LIMK2: variants seen among roughly 807,000 people sequenced by gnomAD.
LIMK2 encodes the protein LIM domain kinase 2.
A neutral mutation model predicts 75.7 loss-of-function variants in LIMK2; 35 were observed. The observed-to-expected ratio is 0.46, with a 90% CI of 0.35 to 0.61. The LOEUF is 0.61. LIMK2 is among the 20% of genes least tolerant of loss of function. The pLI is 0.00. For missense variants in LIMK2, 623 were observed against 831.0 expected (o/e 0.75, Z 3.08); for synonymous variants, 301 against 319.2 (o/e 0.94, Z 0.61).
At chr22:31,219,783 AG>A (rs2048418695) in intron 1 of LIMK2, among the ~76,000 whole-genome samples, 1 of 152,186 alleles carries the variant, frequency 6.6e-6, no homozygotes, top group Non-Finnish European at 1.5e-5. Flanking sequence ...CGTGTTAGCC[AG>A]GATGGCCTTG....
At chr22:31,261,255 G>A (rs2048835628) in intron 5 of LIMK2, among the ~76,000 whole-genome samples, 1 of 152,136 alleles carries the variant, frequency 6.6e-6, no homozygotes, top group African/African-American at 2.4e-5. Context: ...GAGGTCAAGA[G>A]TTTGGGATTA....
At position 31,266,084 on chromosome 22, in the gene LIMK2, A is replaced by G. The variant is rs2048892253; in HGVS notation, c.993A>G (p.Leu331=). The G allele has an allele frequency of 8.7e-6, 14 of 1,614,164 alleles. No individual in the cohort carries two copies. The East Asian group carries it at 3.1e-4, about 36-fold the overall frequency. The change falls in exon 8 of 16, where the codon CTA becomes CTG. Residue 331 remains leucine (L), a synonymous_variant. Transcript: ENST00000331728. ...AGCAGATCTTCCGGCCCTGTGACCT[A>G]ATCCATGGGGAGGTCCTGGGGAAGG... is the stretch of plus-strand genomic sequence containing the variant. The part of the protein sequence containing the change: ...YSQQIFRPCD[L]IHGEVLGKGF...
chr22:31,278,694 A>G lies in LIMK2; in HGVS notation c.*253A>G, dbSNP rs879222446. 2.9e-6 allele frequency: 1 copy of G among 339,208 alleles called. No homozygotes were observed. The highest frequency in any genetic ancestry group is 5.3e-6 in the Non-Finnish European group (1 of 186,940). 21.0% of individuals were successfully genotyped at this position (339,208 alleles called of 1,614,324 possible). ...CCTGAAAGCTGTGAAGAAGAAAAAA[A>G]CCCCTGGCCTTTGGGCCAGGAGGAA... On this transcript the variant is annotated 3_prime_UTR_variant, in exon 16 of 16. Transcript: ENST00000331728.
intron 2 of LIMK2, chr22:31,230,239 G>GT (rs2048516260): frequency 6.6e-6 from 1 of 151,952 alleles, no homozygotes; most frequent in South Asian, 2.1e-4. Flanking sequence ...CATTAATTCT[G>GT]TATCTGGGGC....
chr22:31,219,630 G>A (rs569081667), intron 1 of LIMK2, among the ~76,000 whole-genome samples: 1 of 152,132 alleles, frequency 6.6e-6, no homozygotes, highest in African/African-American at 2.4e-5. Flanking sequence ...GGAGCGCAGT[G>A]GCACGATCTC....
At chr22:31,264,772 A>G (rs138539088) in intron 7 of LIMK2, among the ~76,000 whole-genome samples, 2,021 of 150,610 alleles carry the variant, frequency 0.013, 19 homozygotes, top group Non-Finnish European at 0.021. Flanking sequence ...AAAATACAAT[A>G]ATTAGGCTGG....
At chr22:31,275,604 T>TG in intron 15 of LIMK2, 4 of 333,052 alleles carry the variant, frequency 1.2e-5, no homozygotes, top group Non-Finnish European at 2.2e-5. Flanking sequence ...CATCTTTCGA[T>TG]ATTCCCCTGT....
chr22:31,273,470 C>T lies in LIMK2; in HGVS notation c.1577C>T (p.Thr526Met), dbSNP rs745675682. Residue 526 changes from threonine (T) to methionine (M), a missense_variant, in exon 14 of 16, where the codon ACG (threonine) becomes ATG (methionine). Thr to Met is a moderately conservative substitution (Grantham distance 81). This residue lies in a region of LIMK2 where 63 missense variants were observed against 122.8 expected (regional missense o/e 0.51). Coordinates refer to ENST00000331728, the MANE Select transcript of LIMK2 (RefSeq NM_005569.4). ...EMLNGKSYDE[T>M]VDIFSFGIVL... ...CCCCAAGGAAAGAGCTATGATGAGACGGTGGATATCTTCTCCTTTGGGATC... is the reference window on the plus strand; with the variant it reads ...CCCCAAGGAAAGAGCTATGATGAGATGGTGGATATCTTCTCCTTTGGGATC... 11 of 1,613,748 alleles carry T rather than the reference C, an allele frequency of 6.8e-6. No individual in the cohort carries two copies. Among genetic ancestry groups the T allele is most frequent in the Admixed American group, 5.0e-5 (3 of 60,014 alleles).
chr22:31,273,855 G>A (rs1350905630), intron 14 of LIMK2, among the ~76,000 whole-genome samples: 1 of 151,900 alleles, frequency 6.6e-6, no homozygotes, highest in Non-Finnish European at 1.5e-5. Flanking sequence ...ACACCACCAT[G>A]CCCGGCTAAT....
At chr22:31,274,407 GT>G (rs2048991229) in intron 14 of LIMK2, among the ~76,000 whole-genome samples, 1 of 151,934 alleles carries the variant, frequency 6.6e-6, no homozygotes. Flanking sequence ...TTTTGTTTTT[GT>G]TTTTGTTTTT....
intron 15 of LIMK2, chr22:31,277,238 G>T (rs2049039210): frequency 6.3e-7 from 1 of 1,576,000 alleles, no homozygotes; most frequent in South Asian, 1.2e-5. Flanking sequence ...GGCCAGGCCT[G>T]GTTCCATGAG....
intron 7 of LIMK2, among the ~76,000 whole-genome samples, chr22:31,264,873 A>G (rs1046295763): frequency 6.6e-6 from 1 of 151,944 alleles, no homozygotes; most frequent in Non-Finnish European, 1.5e-5. Flanking sequence ...CCTGGCCAAT[A>G]TGGTGAAACC....
At chr22:31,235,906 C>T (rs1173147026) in intron 2 of LIMK2, among the ~76,000 whole-genome samples, 2 of 152,186 alleles carry the variant, frequency 1.3e-5, no homozygotes, top group African/African-American at 2.4e-5. Flanking sequence ...CACTCTAGAA[C>T]CAGATTGCTT....
chr22:31,235,628 A>G (rs2048567161), intron 2 of LIMK2, among the ~76,000 whole-genome samples: 2 of 152,238 alleles, frequency 1.3e-5, no homozygotes, highest in African/African-American at 2.4e-5. Context: ...AAAAATTTCA[A>G]TTCCAATCGT....
intron 2 of LIMK2, among the ~76,000 whole-genome samples, chr22:31,232,954 C>G (rs543394714): frequency 6.6e-6 from 1 of 152,282 alleles, no homozygotes; most frequent in South Asian, 2.1e-4. Flanking sequence ...ATGGAGCATT[C>G]CTAACCATGG....
Position 31,212,326 on chromosome 22 carries a change from AGGAGCTGAGGGGAGTTGTAG to A in LIMK2, c.-79_-60del. 7.8e-7 allele frequency: 1 copy of A among 1,285,464 alleles called. No individual in the cohort carries two copies. Among genetic ancestry groups the A allele is most frequent in the South Asian group, 3.2e-5 (1 of 31,278 alleles). 79.6% of individuals were successfully genotyped at this position (1,285,464 alleles called of 1,614,324 possible). A position where few individuals can be genotyped will look rare whatever the true frequency, so the allele number is the denominator to read the frequency against. The stretch of plus-strand genomic sequence containing the variant: ...TTCCCGCGCCTGAGGCGGCGGCGGC[AGGAGCTGAGGGGAGTTGTAG>A]GGAACTGAGGGGAGCTGCTGTGTCC... On this transcript the variant is annotated 5_prime_UTR_variant, in exon 1 of 16. Transcript: ENST00000331728.
At chr22:31,231,703 G>C (rs1194604443) in intron 2 of LIMK2, among the ~76,000 whole-genome samples, 2 of 152,220 alleles carry the variant, frequency 1.3e-5, no homozygotes, top group African/African-American at 4.8e-5. Flanking sequence ...TCTATAGGAG[G>C]CAGAGGTAGA....
chr22:31,212,544 G>A (rs2048355768), intron 1 of LIMK2, 120 bp downstream of exon 1: 1 of 1,026,530 alleles, frequency 9.7e-7, no homozygotes, highest in Non-Finnish European at 1.3e-6. Context: ...GTGGGTCCGA[G>A]CTCCTCAGAA....
rs2267170 is a variant in LIMK2, at chr22:31,251,348, C to A, written c.117-6943C>A. 0.036 allele frequency among the ~76,000 whole-genome samples: 5,427 copies of A among 152,244 alleles called. 506 individuals carry two copies. The East Asian group carries it at 0.39, about 11-fold the overall frequency. On this transcript the variant is annotated intron_variant, in intron 2 of 15. Coordinates refer to ENST00000331728, the MANE Select transcript of LIMK2 (RefSeq NM_005569.4). ...CCATGTTTAAAGGGAAAAAATTATG[C>A]ATAACTCTGCCCAGCTTCACAGTAA...
Sources: allele counts gnomAD v4.1 joint callset (sites outside exome capture counted in the v4.1 genomes callset), GRCh38; gene constraint gnomAD v4.1.1; regional missense constraint gnomAD v4.1.1; transcripts MANE v1.5; gene names NCBI Gene and HGNC (gene_info 2026-07-23, HGNC 2026-07-21).